ETF1: variants seen among roughly 807,000 people sequenced by gnomAD.
The protein encoded by ETF1 is eukaryotic peptide chain release factor subunit 1.
In ETF1, 4 loss-of-function variants were observed where a neutral mutation model predicts 55.1. That is an observed-to-expected ratio of 0.07 (90% CI 0.04 to 0.17). The LOEUF (loss-of-function observed/expected upper bound fraction) is 0.17. ETF1 is among the 10% of genes least tolerant of loss of function. ETF1 has a pLI of 1.00. For synonymous variants in ETF1, 157 were observed against 182.3 expected, an observed-to-expected ratio of 0.86 and a Z score of 1.12; for missense variants, 142 against 523.6, an observed-to-expected ratio of 0.27 and a Z score of 7.11.
intron 2 of ETF1, among the ~76,000 whole-genome samples, chr5:138,533,966 A>T (rs1397723226): frequency 6.6e-6 from 1 of 152,212 alleles, no homozygotes; most frequent in Admixed American, 6.5e-5. Context: ...CTTTTATAAA[A>T]GGTTTAGTTA....
intron 2 of ETF1, among the ~76,000 whole-genome samples, chr5:138,527,442 C>T (rs890490238): frequency 1.3e-5 from 2 of 152,242 alleles, no homozygotes; most frequent in African/African-American, 2.4e-5. Context: ...CAGTTATCAT[C>T]ACAAACACTT....
chr5:138,512,246 A>T (rs1160546307), intron 6 of ETF1, among the ~76,000 whole-genome samples: 1 of 9,316 alleles, frequency 1.1e-4, no homozygotes, highest in African/African-American at 3.1e-4. Context: ...ATATATATAT[A>T]TATATATATA....
chr5:138,524,239 G>A (rs1765361424), intron 2 of ETF1, among the ~76,000 whole-genome samples: 2 of 151,286 alleles, frequency 1.3e-5, no homozygotes, highest in Admixed American at 1.3e-4. Flanking sequence ...TGTAATTCCA[G>A]CTACTTGGGA....
intron 10 of ETF1, 92 bp downstream of exon 10, chr5:138,508,577 A>G (rs1165688643): frequency 4.5e-6 from 7 of 1,568,890 alleles, no homozygotes; most frequent in Non-Finnish European, 6.0e-6. Context: ...GCAGATAATA[A>G]GCACCTCACC....
intron 6 of ETF1, among the ~76,000 whole-genome samples, chr5:138,512,406 G>A (rs1764856685): frequency 6.6e-6 from 1 of 150,882 alleles, no homozygotes; most frequent in East Asian, 2.0e-4. Flanking sequence ...ATACTGCTGA[G>A]AGCTTTGCTG....
At position 138,535,112 on chromosome 5, in the gene ETF1, A is replaced by G. The variant is rs139231990; in HGVS notation, c.86+7721T>C. 9.7e-3 allele frequency among the ~76,000 whole-genome samples: 1,476 copies of G among 151,916 alleles called. 33 individuals carry two copies. The highest frequency in any genetic ancestry group is 0.033 in the African/African-American group (1,375 of 41,448). ...ATTACAGGCATGTGCCAACACACCC[A>G]ACTAATTTTTTTATTTTTAGTAGAG... On this transcript the variant is annotated intron_variant, in intron 2 of 10. Transcript: ENST00000360541.
At chr5:138,524,596 T>TTTG in intron 2 of ETF1, among the ~76,000 whole-genome samples, 1 of 149,790 alleles carries the variant, frequency 6.7e-6, no homozygotes, top group Admixed American at 6.6e-5. Context: ...TTTTTTTTTT[T>TTTG]GAGACAGAGT....
intron 2 of ETF1, among the ~76,000 whole-genome samples, chr5:138,527,132 C>T (rs1427688424): frequency 1.3e-5 from 2 of 152,294 alleles, no homozygotes; most frequent in East Asian, 3.9e-4. Context: ...CCACTGTACC[C>T]GGCCCAGAAA....
chr5:138,518,108 G>C (rs545035583), intron 3 of ETF1, among the ~76,000 whole-genome samples: 1 of 150,920 alleles, frequency 6.6e-6, no homozygotes, highest in Non-Finnish European at 1.5e-5. Context: ...AGGCTGAGAC[G>C]GAAGAATCAC....
intron 8 of ETF1, 42 bp from the exon 9 acceptor site, chr5:138,510,671 T>C (rs1379277864): frequency 1.2e-6 from 2 of 1,610,196 alleles, no homozygotes; most frequent in Non-Finnish European, 1.7e-6. Context: ...CTGGCTCTCA[T>C]ATACTAATCT....
At chr5:138,531,414 C>T (rs73261806) in intron 2 of ETF1, among the ~76,000 whole-genome samples, 1 of 152,044 alleles carries the variant, frequency 6.6e-6, no homozygotes, top group African/African-American at 2.4e-5. Flanking sequence ...ATCAAAAAAC[C>T]CCCAAAACCT....
intron 2 of ETF1, among the ~76,000 whole-genome samples, chr5:138,531,820 G>A (rs1765710257): frequency 6.6e-6 from 1 of 152,196 alleles, no homozygotes; most frequent in Non-Finnish European, 1.5e-5. Context: ...GCCAAGGTGG[G>A]CGGATCACGA....
chr5:138,512,016 T>G (rs1056210741), intron 6 of ETF1: 2 of 340,518 alleles, frequency 5.9e-6, no homozygotes, highest in African/African-American at 2.3e-5. Flanking sequence ...CTAGGCAACA[T>G]GGTGAAACCC....
At chr5:138,542,989 C>G in intron 1 of ETF1, 53 bp from the exon 2 acceptor site, 1 of 1,543,722 alleles carries the variant, frequency 6.5e-7, no homozygotes, top group South Asian at 1.1e-5. Flanking sequence ...GTTAGCGCCG[C>G]CGCTGGGGCA....
At chr5:138,511,941 T>A in intron 6 of ETF1, 1 of 964,416 alleles carries the variant, frequency 1.0e-6, no homozygotes, top group Non-Finnish European at 1.2e-6. Context: ...CTCACACCTA[T>A]AATCCCAGCA....
intron 2 of ETF1, among the ~76,000 whole-genome samples, chr5:138,530,105 T>C (rs1376431525): frequency 2.0e-5 from 3 of 152,154 alleles, no homozygotes; most frequent in Non-Finnish European, 4.4e-5. Flanking sequence ...CACTTCAGTT[T>C]GCATACCTCC....
chr5:138,531,589 C>T (rs1355675151), intron 2 of ETF1, among the ~76,000 whole-genome samples: 1 of 152,206 alleles, frequency 6.6e-6, no homozygotes, highest in Non-Finnish European at 1.5e-5. Flanking sequence ...GTTTTAGACA[C>T]TGCTTACTAT....
intron 5 of ETF1, 191 bp downstream of exon 5, chr5:138,513,377 G>A (rs7714751): frequency 0.47 from 135,905 of 292,052 alleles, 34,309 homozygotes; most frequent in Admixed American, 0.53. Context: ...GATTACAGGC[G>A]CCCGTCACAT....
chr5:138,542,270 G>C (rs1383882225), intron 2 of ETF1, among the ~76,000 whole-genome samples: 1 of 152,126 alleles, frequency 6.6e-6, no homozygotes, highest in African/African-American at 2.4e-5. Context: ...TAGAGGACTT[G>C]GGAGAAGTCA....
Sources: gnomAD v4.1 joint callset for allele counts (sites outside exome capture counted in the v4.1 genomes callset) on GRCh38, gnomAD v4.1.1 for gene constraint, MANE v1.5 for transcripts, NCBI Gene and HGNC (gene_info 2026-07-23, HGNC 2026-07-21) for gene names.